The following SLC6A3 variants were observed in gnomAD, a reference collection of about 807,000 sequenced individuals.
SLC6A3 encodes sodium-dependent dopamine transporter.
A neutral mutation model predicts 70.4 loss-of-function variants in SLC6A3; 19 were observed. The observed-to-expected ratio is 0.27, with a 90% CI of 0.19 to 0.40. SLC6A3 has a LOEUF of 0.40. Among genes scored for constraint, SLC6A3 ranks in the 10% least tolerant of loss-of-function variants. SLC6A3 has a pLI of 1.00. For missense variants in SLC6A3, 613 were observed against 838.5 expected (o/e 0.73, Z 3.32); for synonymous variants, 368 against 356.6 (o/e 1.03, Z -0.36).
At position 1,404,498 on chromosome 5, in the gene SLC6A3, C is replaced by T. The variant is rs1344840016; in HGVS notation, c.1600-1409G>A. Among the ~76,000 whole-genome samples, 1 of 152,236 alleles carries T rather than the reference C, an allele frequency of 6.6e-6. No homozygotes were observed. Among genetic ancestry groups the T allele is most frequent in the Non-Finnish European group, 1.5e-5 (1 of 68,044 alleles). ...TAGAAAGAACTATGCCTCCCCAGGC[C>T]ACAGTCTGCCCATGTAAGTTGCCTT... On this transcript the variant is annotated intron_variant, in intron 12 of 14. Transcript: ENST00000270349. The surrounding 1 kb of genome is among the most constrained non-coding windows in gnomAD (Gnocchi z 5.2).
chr5:1,414,385 G>C lies in SLC6A3; in HGVS notation c.1156+306C>G, dbSNP rs74209258. 1.0e-3 allele frequency among the ~76,000 whole-genome samples: 139 copies of C among 138,512 alleles called. 3 individuals carry two copies. The East Asian group carries it at 0.029, about 29-fold the overall frequency. The allele number at this position is 138,512 out of a possible 152,430, so 90.9% of individuals were successfully genotyped here. A position where few individuals can be genotyped will look rare whatever the true frequency, so the allele number is the denominator to read the frequency against. On this transcript the variant is annotated intron_variant, in intron 8 of 14. Transcript: ENST00000270349. ...GGAGGCCCCGAGAGGCACAAGGCAG[G>C]AAAGGCACTGGGTGGGGGGGCCTGG...
rs1044423252 is a variant in SLC6A3 at position 1,420,807 on chromosome 5, T to A, written c.793-104A>T. On this transcript the variant is annotated intron_variant, in intron 5 of 14. Coordinates refer to ENST00000270349, the MANE Select transcript of SLC6A3 (RefSeq NM_001044.5). Reference sequence around the variant, plus strand: ...TTGCCCTGACGGCTTGTCCTCTGATTGGGAGGCCCAATTCCCAAACATTTC... The same window carrying A: ...TTGCCCTGACGGCTTGTCCTCTGATAGGGAGGCCCAATTCCCAAACATTTC... 8.9e-6 allele frequency: 11 copies of A among 1,241,030 alleles called. No homozygotes were observed. The African/African-American group carries it at 1.6e-4, about 18-fold the overall frequency. The allele number at this position is 1,241,030 out of a possible 1,614,324, so 76.9% of individuals were successfully genotyped here. A position where few individuals can be genotyped will look rare whatever the true frequency, so the allele number is the denominator to read the frequency against.
At chr5:1,440,925 T>G (rs1025751074) in intron 3 of SLC6A3, among the ~76,000 whole-genome samples, 2 of 152,008 alleles carry the variant, frequency 1.3e-5, no homozygotes, top group African/African-American at 4.8e-5. Context: ...CAGATACAGA[T>G]AGATGATGAT....
chr5:1,413,107 G>T lies in SLC6A3; in HGVS notation c.1156+1584C>A, dbSNP rs1756166815. The stretch of plus-strand genomic sequence containing the variant: ...ACATTTACTTTGCTTGTCATGAAAT[G>T]CACAGAAGAACATTCAACTTTATTT... On this transcript the variant is annotated intron_variant, in intron 8 of 14. Coordinates refer to ENST00000270349, the MANE Select transcript of SLC6A3 (RefSeq NM_001044.5). The surrounding 1 kb of genome is among the most constrained non-coding windows in gnomAD (Gnocchi z 7.1). Among the ~76,000 whole-genome samples, 1 of 152,228 alleles carries T rather than the reference G, an allele frequency of 6.6e-6. No homozygotes were observed. The highest frequency in any genetic ancestry group is 1.5e-5 in the Non-Finnish European group (1 of 68,038).
Position 1,442,837 on chromosome 5 carries a change from T to C in SLC6A3, c.286+75A>G. 6.8e-7 allele frequency: 1 copy of C among 1,472,500 alleles called. No homozygotes were observed. Among genetic ancestry groups the C allele is most frequent in the Non-Finnish European group, 9.5e-7 (1 of 1,053,486 alleles). 91.2% of individuals were successfully genotyped at this position (1,472,500 alleles called of 1,614,324 possible). On this transcript the variant is annotated intron_variant, in intron 2 of 14. Transcript: ENST00000270349. This position sits in a 1 kb window ranked among gnomAD's most constrained non-coding sequence, Gnocchi z 5.0. ...TGGGAACAGCTTCATCTCGTTTCCG[T>C]ACGTGCCTTGGCCCCGGCTGCCCCT...
intron 7 of SLC6A3, 40 bp downstream of exon 7, chr5:1,416,058 G>C (rs776288109): frequency 6.9e-7 from 1 of 1,445,648 alleles, no homozygotes; most frequent in Admixed American, 1.7e-5. Context: ...CCTCTCCCTA[G>C]TATTGATGAG....
rs933993305 is a variant in SLC6A3, at chr5:1,421,325, G to A, written c.792+551C>T. 6.6e-6 allele frequency among the ~76,000 whole-genome samples: 1 copy of A among 152,096 alleles called. No individual in the cohort carries two copies. The highest frequency in any genetic ancestry group is 1.5e-5 in the Non-Finnish European group (1 of 68,038). Reference sequence around the variant, plus strand: ...CCCACGTAGCTGGGATTATAGGCACGTGCCACCGTGCCTGGCTAATTTCGT... The same window carrying A: ...CCCACGTAGCTGGGATTATAGGCACATGCCACCGTGCCTGGCTAATTTCGT... On this transcript the variant is annotated intron_variant, in intron 5 of 14. Transcript: ENST00000270349. The surrounding 1 kb of genome is among the most constrained non-coding windows in gnomAD (Gnocchi z 7.2).
chr5:1,418,218 C>T (rs770439094), intron 6 of SLC6A3, among the ~76,000 whole-genome samples: 18 of 152,248 alleles, frequency 1.2e-4, no homozygotes, highest in African/African-American at 1.9e-4. Flanking sequence ...TCCTCCTCAC[C>T]CTGATCTGTG....
chr5:1,416,142 C>T lies in SLC6A3; in HGVS notation c.987G>A (p.Leu329=). The T allele has an allele frequency of 6.2e-7, 1 of 1,614,068 alleles. No homozygotes were observed. The highest frequency in any genetic ancestry group is 8.5e-7 in the Non-Finnish European group (1 of 1,180,004). The change falls in exon 7 of 15, where the codon CTG becomes CTA. Residue 329 remains leucine, a synonymous_variant. Coordinates refer to ENST00000270349, the MANE Select transcript of SLC6A3 (RefSeq NM_001044.5). ...CFSLGVGFGV[L]IAFSSYNKFT... ...ACTTGTTGTAGCTGGAGAAGGCGAT[C>T]AGCACCCCGAACCCCACGCCCAGGG...
At position 1,409,143 on chromosome 5, in the gene SLC6A3, C is replaced by A; in HGVS notation, c.1399-18G>T. On this transcript the variant is annotated intron_variant, in intron 10 of 14. Coordinates refer to ENST00000270349, the MANE Select transcript of SLC6A3 (RefSeq NM_001044.5). ...ATGCCACCCTGGAAGAGAGGGGAGC[C>A]TGTGGACCTACAGAAGGGCTTTCCC... The A allele has an allele frequency of 6.3e-7, 1 of 1,575,826 alleles. No individual in the cohort carries two copies. The highest frequency in any genetic ancestry group is 8.7e-7 in the Non-Finnish European group (1 of 1,153,338).
chr5:1,395,798 T>C (rs1170486920), intron 14 of SLC6A3, among the ~76,000 whole-genome samples: 3 of 152,208 alleles, frequency 2.0e-5, no homozygotes, highest in African/African-American at 7.2e-5. Flanking sequence ...GTGAGTCCTG[T>C]TCCCCCCAGG....
chr5:1,433,785 ATC>A, intron 3 of SLC6A3, among the ~76,000 whole-genome samples: 1 of 151,888 alleles, frequency 6.6e-6, no homozygotes, highest in East Asian at 1.9e-4. Context: ...ACAACCATCC[ATC>A]CATCCACAAC....
chr5:1,414,262 G>T (rs1756199507), intron 8 of SLC6A3, among the ~76,000 whole-genome samples: 1 of 151,392 alleles, frequency 6.6e-6, no homozygotes, highest in Admixed American at 6.6e-5. Context: ...ACCCTGGTGG[G>T]GCAGCCTCAT....
At chr5:1,430,180 G>A (rs984584758) in intron 4 of SLC6A3, among the ~76,000 whole-genome samples, 4 of 151,942 alleles carry the variant, frequency 2.6e-5, no homozygotes, top group South Asian at 2.1e-4. Context: ...TCTTCCTGGC[G>A]CCCCAGCCTG....
chr5:1,403,216 G>T, intron 12 of SLC6A3, 127 bp from the exon 13 acceptor site: 1 of 1,081,000 alleles, frequency 9.3e-7, no homozygotes, highest in Non-Finnish European at 1.4e-6. Context: ...GCAGACCCCG[G>T]CCAGGCCTGC....
chr5:1,432,908 G>T (rs1756739252), intron 3 of SLC6A3, among the ~76,000 whole-genome samples: 1 of 152,094 alleles, frequency 6.6e-6, no homozygotes, highest in Admixed American at 6.5e-5. Context: ...CAGAGAAGAA[G>T]CTGCCCACTC....
rs28382241 is a variant in SLC6A3, at chr5:1,421,594, G to C, written c.792+282C>G. On this transcript the variant is annotated intron_variant, in intron 5 of 14. Transcript: ENST00000270349. This position sits in a 1 kb window ranked among gnomAD's most constrained non-coding sequence, Gnocchi z 7.2. ...GTCCGCCCAGCCCAGCCACGGCCAC[G>C]TGTCCCCCCACCCACCCATGGCCGC... Among the ~76,000 whole-genome samples, 101 of 148,706 alleles carry C rather than the reference G, an allele frequency of 6.8e-4. No individual in the cohort carries two copies. The highest frequency in any genetic ancestry group is 2.5e-3 in the African/African-American group (99 of 40,296).
Position 1,409,085 on chromosome 5 carries a change from G to A in SLC6A3, c.1439C>T (p.Ala480Val). 1 of 1,612,988 alleles carries A rather than the reference G, an allele frequency of 6.2e-7. No homozygotes were observed. The highest frequency in any genetic ancestry group is 8.5e-7 in the Non-Finnish European group (1 of 1,179,812). ...YVFTLLDHFAAGTSILFGVLI... is the reference protein window; with the variant it reads ...YVFTLLDHFAVGTSILFGVLI... ...CACTCCAAAGAGGATGGACGTGCCG[G>A]CTGCAAAATGGTCCAGGAGCGTGAA... The change falls in exon 11 of 15, where the codon GCC (alanine) becomes GTC (valine). Residue 480 changes from alanine (A) to valine (V), a missense_variant. Ala to Val is a moderately conservative substitution (Grantham distance 64). Transcript: ENST00000270349.
At chr5:1,414,421 C>CACTGGGTGGGGGGCCG (rs781377663) in intron 8 of SLC6A3, among the ~76,000 whole-genome samples, 2 of 73,042 alleles carry the variant, frequency 2.7e-5, no homozygotes, top group East Asian at 4.3e-4. Flanking sequence ...AGGGGCAGGG[C>CACTGGGTGGGGGGCCG]GGAGAAGGCA....
Sources: gnomAD v4.1 joint callset for allele counts (sites outside exome capture counted in the v4.1 genomes callset) on GRCh38, gnomAD v4.1.1 for gene constraint, Gnocchi (gnomAD v3.1) non-coding constraint, MANE v1.5 for transcripts, NCBI Gene and HGNC (gene_info 2026-07-23, HGNC 2026-07-21) for gene names.